The following SORBS2 variants were observed in gnomAD, a reference collection of about 807,000 sequenced individuals.
SORBS2 encodes sorbin and SH3 domain-containing protein 2.
Under a neutral mutation model 97.7 loss-of-function variants are expected in SORBS2, and 46 were observed. The ratio of observed to expected loss-of-function variants is 0.47; its 90% confidence interval spans 0.37 to 0.60. The LOEUF (loss-of-function observed/expected upper bound fraction) is 0.60. Among genes scored for constraint, SORBS2 ranks in the 20% least tolerant of loss-of-function variants. The pLI, the probability that SORBS2 is intolerant of heterozygous loss-of-function variation, is 0.00. For missense variants in SORBS2, 1,316 were observed against 1,282.3 expected, an observed-to-expected ratio of 1.03 and a Z score of -0.40; for synonymous variants, 476 against 473.4, an observed-to-expected ratio of 1.01 and a Z score of -0.07.
At chr4:185,829,143 A>G (rs2099203711) in intron 1 of SORBS2, among the ~76,000 whole-genome samples, 1 of 152,178 alleles carries the variant, frequency 6.6e-6, no homozygotes, top group Non-Finnish European at 1.5e-5. Flanking sequence ...AGATTGCTCC[A>G]AGTTTTTTCT....
rs73028082 is a variant in SORBS2, at chr4:185,627,065, C to T, written c.447-46G>A. The T allele has an allele frequency of 0.01, 15,830 of 1,577,118 alleles. 1,253 individuals are homozygous for T. In the African/African-American group the frequency reaches 0.18, roughly 18 times the overall value. On this transcript the variant is annotated intron_variant, in intron 5 of 14. Transcript: ENST00000418609. The stretch of plus-strand genomic sequence containing the variant: ...TGTTTGATTGGCACTGGAGGAGGTT[C>T]GGGTGTGCACCAGAAAAACCGGTGG...
intron 2 of SORBS2, among the ~76,000 whole-genome samples, chr4:185,725,082 TTTTTC>T (rs2098546344): frequency 6.6e-6 from 1 of 152,154 alleles, no homozygotes; most frequent in African/African-American, 2.4e-5. Context: ...TGAAGAGGCT[TTTTTC>T]TTTTATCAAT....
chr4:185,642,087 A>G (rs1357628788), intron 4 of SORBS2, among the ~76,000 whole-genome samples: 3 of 152,106 alleles, frequency 2.0e-5, no homozygotes, highest in Admixed American at 2.0e-4. Flanking sequence ...GACATTGACT[A>G]CCGTGTTTTA....
At chr4:185,599,423 G>A (rs1292489731) in intron 12 of SORBS2, among the ~76,000 whole-genome samples, 1 of 152,182 alleles carries the variant, frequency 6.6e-6, no homozygotes, top group African/African-American at 2.4e-5. Context: ...TGACCTTTAA[G>A]TTCAATCAGA....
intron 2 of SORBS2, among the ~76,000 whole-genome samples, chr4:185,745,515 C>T (rs2098754506): frequency 6.6e-6 from 1 of 152,224 alleles, no homozygotes; most frequent in African/African-American, 2.4e-5. Flanking sequence ...CACATCACAT[C>T]TTCCTCATAG....
rs1581926861 is a variant in SORBS2, at chr4:185,654,972, C to T, written c.24+1643G>A. Among the ~76,000 whole-genome samples the T allele has an allele frequency of 2.0e-5, 3 of 152,202 alleles. 1 individual carries two copies. On this transcript the variant is annotated intron_variant, in intron 1 of 14. Coordinates refer to ENST00000418609, the Ensembl canonical transcript of SORBS2. ...CAGTGACTCTGTTCTATTTTTTTCTCCTTTTCAGTTTTGAAAATACTCAAA... is the reference window on the plus strand; with the variant it reads ...CAGTGACTCTGTTCTATTTTTTTCTTCTTTTCAGTTTTGAAAATACTCAAA...
chr4:185,754,029 C>T (rs1431006547), intron 2 of SORBS2, among the ~76,000 whole-genome samples: 2 of 152,072 alleles, frequency 1.3e-5, no homozygotes, highest in African/African-American at 4.8e-5. Context: ...TTCACAATAG[C>T]AAAGACATGG....
At chr4:185,840,863 T>A (rs2099211073) in intron 1 of SORBS2, among the ~76,000 whole-genome samples, 1 of 151,950 alleles carries the variant, frequency 6.6e-6, no homozygotes, top group Non-Finnish European at 1.5e-5. Flanking sequence ...CTGACTCATA[T>A]CATCAGAACA....
chr4:185,786,980 C>CA (rs57734265), intron 1 of SORBS2, among the ~76,000 whole-genome samples: 47,967 of 100,052 alleles, frequency 0.48, 11,189 homozygotes, highest in East Asian at 0.66. Context: ...GGCTCTGTCT[C>CA]AAAAAAAAAA....
chr4:185,944,864 C>T (rs11132366), intron 1 of SORBS2, among the ~76,000 whole-genome samples: 132,564 of 152,198 alleles, frequency 0.87, 57,919 homozygotes, highest in East Asian at 0.94. Context: ...GCAAGATTAG[C>T]ATCGCTACCA....
rs540030763 is a variant in SORBS2, at chr4:185,765,830, C to T, written c.-198+9397G>A. 1.5e-4 allele frequency among the ~76,000 whole-genome samples: 23 copies of T among 152,244 alleles called. No homozygotes were observed. In the South Asian group the frequency reaches 2.9e-3, roughly 19 times the overall value. ...CTACCTCTGAATTTACCTTTTCACTCGGCTTTTCATTTTTACTTGTTTTTT... is the reference window on the plus strand; with the variant it reads ...CTACCTCTGAATTTACCTTTTCACTTGGCTTTTCATTTTTACTTGTTTTTT... On this transcript the variant is annotated intron_variant, in intron 2 of 20. Transcript: ENST00000284776.
chr4:185,893,531 C>T (rs1216358132), intron 1 of SORBS2, among the ~76,000 whole-genome samples: 1 of 152,158 alleles, frequency 6.6e-6, no homozygotes, highest in African/African-American at 2.4e-5. Flanking sequence ...GAATTTTCTT[C>T]CCTCCAGCTT....
At chr4:185,826,710 G>C (rs750683071) in intron 1 of SORBS2, among the ~76,000 whole-genome samples, 3 of 152,156 alleles carry the variant, frequency 2.0e-5, no homozygotes, top group Admixed American at 6.5e-5. Context: ...TTCAACAAAT[G>C]TTTTTCCTGA....
At chr4:185,586,244 A>C (rs1278502841) in exon 15 of SORBS2, 2 of 152,776 alleles carry the variant, frequency 1.3e-5, no homozygotes, top group African/African-American at 4.8e-5. Flanking sequence ...AAGAAATACA[A>C]AGCTAGTTTT....
intron 12 of SORBS2, among the ~76,000 whole-genome samples, chr4:185,604,300 G>A (rs1402618538): frequency 6.6e-6 from 1 of 152,148 alleles, no homozygotes; most frequent in Non-Finnish European, 1.5e-5. Context: ...TACTAATTAA[G>A]CTCATTGAAG....
intron 1 of SORBS2, among the ~76,000 whole-genome samples, chr4:185,860,017 T>G (rs1453158128): frequency 6.6e-6 from 1 of 152,220 alleles, no homozygotes; most frequent in Non-Finnish European, 1.5e-5. Flanking sequence ...TTTTTCCTTT[T>G]TAACATTGGA....
chr4:185,715,694 A>G (rs1266295633), intron 2 of SORBS2, among the ~76,000 whole-genome samples: 4 of 152,228 alleles, frequency 2.6e-5, no homozygotes, highest in African/African-American at 9.6e-5. Context: ...AATACAACAG[A>G]CCAAAAATGT....
chr4:185,773,590 G>A (rs1395514664), intron 2 of SORBS2: 1 of 152,376 alleles, frequency 6.6e-6, no homozygotes, highest in East Asian at 1.9e-4. Flanking sequence ...GGCAGACTGC[G>A]TCAGCGCTGA....
intron 8 of SORBS2, among the ~76,000 whole-genome samples, chr4:185,619,262 A>G (rs569044035): frequency 1.3e-5 from 2 of 152,000 alleles, no homozygotes; most frequent in Non-Finnish European, 1.5e-5. Context: ...GGGGCCACAG[A>G]TCTCCCTGAG....
Sources: gnomAD v4.1 joint callset for allele counts (sites outside exome capture counted in the v4.1 genomes callset) on GRCh38, gnomAD v4.1.1 for gene constraint, MANE v1.5 for transcripts, NCBI Gene and HGNC (gene_info 2026-07-23, HGNC 2026-07-21) for gene names.